CPEB2: variants seen among roughly 807,000 people sequenced by gnomAD.
CPEB2 encodes the protein cytoplasmic polyadenylation element binding protein 2.
A neutral mutation model predicts 93.6 loss-of-function variants in CPEB2; 56 were observed. The observed-to-expected ratio is 0.60, with a 90% CI of 0.48 to 0.75. CPEB2 has a LOEUF of 0.75. CPEB2 is among the 30% of genes least tolerant of loss of function. The pLI is 0.00. For missense variants in CPEB2, 1,579 were observed against 1,395.1 expected (o/e 1.13, Z -2.10); for synonymous variants, 764 against 586.3 (o/e 1.30, Z -4.38).
At chr4:15,035,044 G>A (rs891302767) in intron 5 of CPEB2, among the ~76,000 whole-genome samples, 14 of 152,250 alleles carry the variant, frequency 9.2e-5, no homozygotes, top group African/African-American at 3.4e-4. Flanking sequence ...GTATCTCATA[G>A]TACGTAGATC....
At chr4:15,021,350 ACT>A in intron 4 of CPEB2, among the ~76,000 whole-genome samples, 1 of 152,244 alleles carries the variant, frequency 6.6e-6, no homozygotes, top group South Asian at 2.1e-4. Context: ...TTTGCCAAGT[ACT>A]GTTTTGTAGT....
At chr4:15,019,620 A>G (rs1307227185) in intron 4 of CPEB2, among the ~76,000 whole-genome samples, 2 of 151,908 alleles carry the variant, frequency 1.3e-5, no homozygotes, top group Non-Finnish European at 2.9e-5. Context: ...AAAAAAAATG[A>G]TTTTCCCCTA....
chr4:15,020,720 T>C (rs7675347), intron 4 of CPEB2, among the ~76,000 whole-genome samples: 5,447 of 152,202 alleles, frequency 0.036, 322 homozygotes, highest in African/African-American at 0.12. Flanking sequence ...AGTGTGTCTG[T>C]TTTTGCACAA....
intron 4 of CPEB2, among the ~76,000 whole-genome samples, chr4:15,020,498 T>C (rs914217300): frequency 6.6e-6 from 1 of 152,170 alleles, no homozygotes; most frequent in East Asian, 1.9e-4. Context: ...TTCCCTCTTA[T>C]CCTTGTTTAT....
chr4:15,067,641 A>G lies in CPEB2; in HGVS notation c.*1261A>G, dbSNP rs921917073. On this transcript the variant is annotated 3_prime_UTR_variant, in exon 12 of 12. Coordinates refer to ENST00000538197, the MANE Select transcript of CPEB2 (RefSeq NM_001177382.2). The stretch of plus-strand genomic sequence containing the variant: ...AAATCTGAATTTTTTAGAAGAATGC[A>G]AAACTTTAGTAAACCCTAAGTAAAG... 6.6e-6 allele frequency: 1 copy of G among 152,476 alleles called. No individual in the cohort carries two copies. Among genetic ancestry groups the G allele is most frequent in the African/African-American group, 2.4e-5 (1 of 41,444 alleles). The allele number at this position is 152,476 out of a possible 1,614,324, so 9.4% of individuals were successfully genotyped here. A position where few individuals can be genotyped will look rare whatever the true frequency, so the allele number is the denominator to read the frequency against.
Position 15,003,396 on chromosome 4 carries a change from G to T in CPEB2, c.723G>T (p.Gln241His). ...QPPQQFSLLH[Q>H]QHLSPQDFAP... is the part of the protein sequence containing the mutation. ...CGCAGCAGTTCAGCCTCCTGCATCA[G>T]CAGCACCTCTCGCCGCAGGACTTCG... is the stretch of plus-strand genomic sequence containing the variant. Residue 241 changes from glutamine to histidine, a missense_variant, in exon 1 of 12, where the codon CAG (glutamine) becomes CAT (histidine). Coordinates refer to ENST00000538197, the MANE Select transcript of CPEB2 (RefSeq NM_001177382.2). 7.3e-7 allele frequency: 1 copy of T among 1,370,560 alleles called. No homozygotes were observed. Among genetic ancestry groups the T allele is most frequent in the Admixed American group, 4.0e-5 (1 of 25,300 alleles). 84.9% of individuals were successfully genotyped at this position (1,370,560 alleles called of 1,614,324 possible).
intron 5 of CPEB2, among the ~76,000 whole-genome samples, chr4:15,036,272 C>T (rs1015363423): frequency 3.3e-5 from 5 of 152,238 alleles, no homozygotes; most frequent in African/African-American, 7.2e-5. Flanking sequence ...AATATAACTA[C>T]AAGCAGTCTC....
At chr4:15,011,769 C>G (rs1723518786) in intron 3 of CPEB2, among the ~76,000 whole-genome samples, 1 of 152,200 alleles carries the variant, frequency 6.6e-6, no homozygotes. Flanking sequence ...TATCAGCTCA[C>G]TGTAAACAAA....
At chr4:15,024,572 G>C (rs552317415) in intron 4 of CPEB2, among the ~76,000 whole-genome samples, 4 of 151,876 alleles carry the variant, frequency 2.6e-5, no homozygotes, top group African/African-American at 9.7e-5. Context: ...CATGCCTGTG[G>C]TTCTGCAGTT....
chr4:15,050,632 A>G (rs1394390904), intron 6 of CPEB2, among the ~76,000 whole-genome samples: 2 of 152,186 alleles, frequency 1.3e-5, no homozygotes, highest in African/African-American at 2.4e-5. Context: ...CTGTTTATTA[A>G]AAGTAATTAT....
intron 3 of CPEB2, among the ~76,000 whole-genome samples, chr4:15,013,746 G>A (rs1723778372): frequency 6.6e-6 from 1 of 152,010 alleles, no homozygotes; most frequent in Admixed American, 6.6e-5. Flanking sequence ...GCTCAAGGCT[G>A]TTTTATGTTT....
At chr4:15,015,970 A>C (rs2108984019) in intron 3 of CPEB2, among the ~76,000 whole-genome samples, 1 of 152,016 alleles carries the variant, frequency 6.6e-6, no homozygotes, top group Admixed American at 6.6e-5. Context: ...CAGATAACTG[A>C]AATCGTGGAA....
At chr4:15,026,429 T>C (rs1725486939) in intron 4 of CPEB2, among the ~76,000 whole-genome samples, 1 of 152,148 alleles carries the variant, frequency 6.6e-6, no homozygotes, top group Admixed American at 6.5e-5. Flanking sequence ...GGTTTCACCA[T>C]GTTAGCCAGG....
chr4:15,040,554 A>C, intron 6 of CPEB2, 67 bp downstream of exon 6: 1 of 1,358,248 alleles, frequency 7.4e-7, no homozygotes, highest in South Asian at 1.3e-5. Flanking sequence ...TGTTGTAATT[A>C]ATTACTCTAG....
chr4:15,015,975 G>A (rs917944664), intron 3 of CPEB2, among the ~76,000 whole-genome samples: 2 of 151,880 alleles, frequency 1.3e-5, no homozygotes, highest in African/African-American at 2.4e-5. Flanking sequence ...AACTGAAATC[G>A]TGGAAGGCAA....
intron 11 of CPEB2, among the ~76,000 whole-genome samples, chr4:15,064,421 T>C (rs190068450): frequency 6.6e-6 from 1 of 152,190 alleles, no homozygotes; most frequent in Admixed American, 6.5e-5. Context: ...ATCTAGAATT[T>C]TAAAAATACA....
chr4:15,003,887 A>AGCC lies in CPEB2; in HGVS notation c.1221_1223dup (p.Pro409dup), dbSNP rs1722385844. 1 of 862,216 alleles carries AGCC rather than the reference A, an allele frequency of 1.2e-6. No homozygotes were observed. Among genetic ancestry groups the AGCC allele is most frequent in the Non-Finnish European group, 1.5e-6 (1 of 652,978 alleles). 53.4% of individuals were successfully genotyped at this position (862,216 alleles called of 1,614,324 possible). A position where few individuals can be genotyped will look rare whatever the true frequency, so the allele number is the denominator to read the frequency against. ...CCGCCGCCGACCCAGCCGCAGCAGC[A>AGCC]GCCGCCGCCACCCCAGCAGCCGCCC... On this transcript the variant is annotated inframe_insertion, in exon 1 of 12. Coordinates refer to ENST00000538197, the MANE Select transcript of CPEB2 (RefSeq NM_001177382.2).
intron 1 of CPEB2, among the ~76,000 whole-genome samples, chr4:15,006,140 G>GGTTT (rs1230410884): frequency 6.6e-6 from 1 of 152,090 alleles, no homozygotes; most frequent in African/African-American, 2.4e-5. Flanking sequence ...AGAATGAAGT[G>GGTTT]GTTTGTCCAT....
intron 6 of CPEB2, among the ~76,000 whole-genome samples, chr4:15,051,132 T>G (rs573124600): frequency 6.6e-5 from 10 of 152,318 alleles, no homozygotes; most frequent in African/African-American, 2.4e-4. Flanking sequence ...TATCTGCTTG[T>G]GACTGCCATC....
Sources: gnomAD v4.1 joint callset for allele counts (sites outside exome capture counted in the v4.1 genomes callset) on GRCh38, gnomAD v4.1.1 for gene constraint, MANE v1.5 for transcripts, NCBI Gene and HGNC (gene_info 2026-07-23, HGNC 2026-07-21) for gene names.